The following KLF12 variants were observed in gnomAD, a reference collection of about 807,000 sequenced individuals.
KLF12 encodes the protein KLF transcription factor 12.
In KLF12, 9 loss-of-function variants were observed where a neutral mutation model predicts 37.8. The ratio of observed to expected loss-of-function variants is 0.24; its 90% CI spans 0.14 to 0.42. KLF12 has a LOEUF of 0.42. KLF12 is among the 10% of genes least tolerant of loss of function. The pLI is 1.00. For synonymous variants in KLF12, 208 were observed against 202.1 expected (o/e 1.03, Z -0.25); for missense variants, 411 against 516.0 (o/e 0.80, Z 1.97).
the KLF12 span, among the ~76,000 whole-genome samples, chr13:74,143,434 A>T: frequency 6.6e-6 from 1 of 151,152 alleles, no homozygotes; most frequent in Non-Finnish European, 1.5e-5. Context: ...AAATCTCCTT[A>T]AATGACACTC....
the KLF12 span, among the ~76,000 whole-genome samples, chr13:74,217,749 A>G: frequency 6.6e-6 from 1 of 152,156 alleles, no homozygotes; most frequent in African/African-American, 2.4e-5. Context: ...CAAACAAACA[A>G]AAACAAAGCC....
rs973695523 is a variant in KLF12, at chr13:73,995,044, C to T, written c.-22G>A. 1 of 1,599,012 alleles carries T rather than the reference C, an allele frequency of 6.3e-7. No homozygotes were observed. The highest frequency in any genetic ancestry group is 8.5e-7 in the Non-Finnish European group (1 of 1,171,358). ...TCATTCATCCATTTGTTCTTAGAGTCACATTGATCCTGCAAGAAAAACACA... is the reference window on the plus strand; with the variant it reads ...TCATTCATCCATTTGTTCTTAGAGTTACATTGATCCTGCAAGAAAAACACA... On this transcript the variant is annotated 5_prime_UTR_variant, in exon 2 of 8. It removes the in-frame stop codon of an upstream open reading frame in the 5' UTR. Transcript: ENST00000377669.
At chr13:73,868,528 C>T (rs1290770213) in intron 3 of KLF12, among the ~76,000 whole-genome samples, 2 of 151,790 alleles carry the variant, frequency 1.3e-5, no homozygotes, top group Non-Finnish European at 2.9e-5. Flanking sequence ...GTAGCTGGGA[C>T]TACAGGTGCA....
chr13:73,948,194 C>T (rs867433877), intron 2 of KLF12, among the ~76,000 whole-genome samples: 1 of 152,076 alleles, frequency 6.6e-6, no homozygotes, highest in Non-Finnish European at 1.5e-5. Context: ...AGATTCACTG[C>T]ACCAAGTTGG....
chr13:73,803,029 A>G (rs919658377), intron 5 of KLF12, among the ~76,000 whole-genome samples: 13 of 152,222 alleles, frequency 8.5e-5, no homozygotes, highest in Admixed American at 8.5e-4. Context: ...AGAAGTACAA[A>G]GCAGACAAAG....
At chr13:73,791,546 T>C (rs1292776961) in intron 5 of KLF12, among the ~76,000 whole-genome samples, 1 of 152,240 alleles carries the variant, frequency 6.6e-6, no homozygotes, top group Non-Finnish European at 1.5e-5. Context: ...TGAATGGCAG[T>C]AGGATCCAGT....
chr13:73,711,058 C>T lies in KLF12; in HGVS notation c.1027+4310G>A, dbSNP rs570706073. ...AGAAGATCAAACCAGTTACAATATC[C>T]CCCAAAGCTAAAGCCTAATCCAGAG... is the stretch of plus-strand genomic sequence containing the variant. On this transcript the variant is annotated intron_variant, in intron 7 of 7. Transcript: ENST00000377669. Among the ~76,000 whole-genome samples the T allele has an allele frequency of 1.3e-5, 2 of 152,272 alleles. 1 individual carries two copies. Among genetic ancestry groups the T allele is most frequent in the Non-Finnish European group, 2.9e-5 (2 of 68,026 alleles).
chr13:73,927,789 C>A (rs1295713312), intron 3 of KLF12, among the ~76,000 whole-genome samples: 1 of 150,310 alleles, frequency 6.7e-6, no homozygotes, highest in Non-Finnish European at 1.5e-5. Flanking sequence ...AGGGTTTCAC[C>A]GTTTTAGCCA....
intron 3 of KLF12, among the ~76,000 whole-genome samples, chr13:73,922,170 G>A (rs1368293743): frequency 6.6e-6 from 1 of 152,078 alleles, no homozygotes; most frequent in African/African-American, 2.4e-5. Flanking sequence ...CCTTCAAGGA[G>A]TAAAACCTTC....
chr13:74,294,861 C>A, the KLF12 span, among the ~76,000 whole-genome samples: 97 of 152,158 alleles, frequency 6.4e-4, 1 homozygote, highest in Non-Finnish European at 1.3e-3. Flanking sequence ...ATCTCCCAAG[C>A]CCCAGCTGCA....
chr13:74,150,645 G>A, the KLF12 span, among the ~76,000 whole-genome samples: 1 of 152,140 alleles, frequency 6.6e-6, no homozygotes, highest in African/African-American at 2.4e-5. Context: ...GGAAACACTT[G>A]ATGGCATATC....
At chr13:73,704,318 T>C (rs1160302204) in intron 7 of KLF12, among the ~76,000 whole-genome samples, 1 of 152,174 alleles carries the variant, frequency 6.6e-6, no homozygotes, top group African/African-American at 2.4e-5. Context: ...TGAGCAAAAC[T>C]TGCTCAGCAT....
At chr13:73,887,134 G>C (rs1358584036) in intron 3 of KLF12, among the ~76,000 whole-genome samples, 3 of 152,030 alleles carry the variant, frequency 2.0e-5, no homozygotes, top group Non-Finnish European at 4.4e-5. Context: ...TTCAAAAATA[G>C]AAATTGGTGA....
intron 5 of KLF12, among the ~76,000 whole-genome samples, chr13:73,799,097 C>T (rs1025887043): frequency 5.3e-5 from 8 of 152,108 alleles, no homozygotes; most frequent in African/African-American, 1.7e-4. Flanking sequence ...AGAGCAAGAT[C>T]CCGTCTTTTG....
the KLF12 span, among the ~76,000 whole-genome samples, chr13:74,301,705 C>A: frequency 6.6e-6 from 1 of 152,076 alleles, no homozygotes; most frequent in Non-Finnish European, 1.5e-5. Flanking sequence ...TTCACAAAAC[C>A]CAGTTTAAAT....
intron 1 of KLF12, among the ~76,000 whole-genome samples, chr13:74,076,403 G>A (rs916956665): frequency 6.6e-6 from 1 of 152,162 alleles, no homozygotes; most frequent in African/African-American, 2.4e-5. Flanking sequence ...TTGTCAGACA[G>A]GTGAGGGGTG....
the KLF12 span, among the ~76,000 whole-genome samples, chr13:74,283,846 G>C: frequency 1.4e-5 from 2 of 145,042 alleles, no homozygotes; most frequent in Middle Eastern, 3.5e-3. Flanking sequence ...TCATCCATAA[G>C]TATGTATAAA....
At chr13:73,784,044 G>A (rs1393063937) in intron 5 of KLF12, among the ~76,000 whole-genome samples, 1 of 152,066 alleles carries the variant, frequency 6.6e-6, no homozygotes, top group Non-Finnish European at 1.5e-5. Context: ...GATAAGAAAT[G>A]CCTGACTTCT....
chr13:74,140,512 A>G, the KLF12 span, among the ~76,000 whole-genome samples: 13 of 152,232 alleles, frequency 8.5e-5, 1 homozygote, highest in Admixed American at 5.9e-4. Flanking sequence ...TTACCAGTTT[A>G]CAATTACACT....
Sources: gnomAD v4.1 joint callset for allele counts (sites outside exome capture counted in the v4.1 genomes callset) on GRCh38, gnomAD v4.1.1 for gene constraint, MANE v1.5 for transcripts, NCBI Gene and HGNC (gene_info 2026-07-23, HGNC 2026-07-21) for gene names.